Variants in FBXW11 observed in about 807,000 individuals in gnomAD.
FBXW11 encodes F-box and WD repeat domain containing 11.
Under a neutral mutation model 77.6 loss-of-function variants are expected in FBXW11, and 19 were observed. The ratio of observed to expected loss-of-function variants is 0.24; its 90% CI spans 0.17 to 0.36. The LOEUF is 0.36. FBXW11 is among the 10% of genes least tolerant of loss of function. The probability of loss-of-function intolerance (pLI) is 1.00; values close to 1 mark genes in which losing one functional copy is unlikely to be tolerated. For missense variants in FBXW11, 334 were observed against 704.2 expected (o/e 0.47, Z 5.95); for synonymous variants, 235 against 249.4 (o/e 0.94, Z 0.54).
intron 2 of FBXW11, among the ~76,000 whole-genome samples, chr5:171,936,871 T>G (rs190407308): frequency 1.3e-5 from 2 of 152,128 alleles, no homozygotes; most frequent in East Asian, 3.9e-4. Context: ...AAAGAAAAAT[T>G]AGAAAATAAG....
At chr5:171,959,877 G>GA (rs150298265) in intron 1 of FBXW11, among the ~76,000 whole-genome samples, 3 of 150,730 alleles carry the variant, frequency 2.0e-5, no homozygotes, top group Non-Finnish European at 3.0e-5. Flanking sequence ...GAAAAGAAAA[G>GA]AAAAAAAACC....
chr5:171,899,091 A>T lies in FBXW11; in HGVS notation c.627T>A (p.Asp209Glu), dbSNP rs367911549. Residue 209 changes from aspartate to glutamate, a missense_variant, in exon 6 of 14, where the codon GAT (aspartate) becomes GAA (glutamate). Physicochemically the swap from Asp to Glu is conservative, Grantham distance 45 (BLOSUM62 2). This residue lies in a region of FBXW11 where 19 missense variants were observed against 16.0 expected (regional missense o/e 1.19). Coordinates refer to ENST00000517395, the MANE Select transcript of FBXW11 (RefSeq NM_001378974.1). ...TGGGTCTGTTTTTAAACAGGTACTG[A>T]TCCCTGGCAAATAAAAACAAACAGA... The part of the protein sequence containing the change: ...WKGLSERRGW[D>E]QYLFKNRPTD... 65 of 1,592,930 alleles carry T rather than the reference A, an allele frequency of 4.1e-5. No individual in the cohort carries two copies. Among genetic ancestry groups the T allele is most frequent in the Non-Finnish European group, 5.2e-5 (61 of 1,172,696 alleles).
intron 2 of FBXW11, among the ~76,000 whole-genome samples, chr5:171,921,905 A>AT (rs1217417015): frequency 2.0e-5 from 3 of 152,036 alleles, no homozygotes; most frequent in Non-Finnish European, 2.9e-5. Flanking sequence ...CACCCAACTA[A>AT]TTTTTTAAAA....
At chr5:171,939,188 G>A (rs1274930956) in intron 2 of FBXW11, among the ~76,000 whole-genome samples, 1 of 152,152 alleles carries the variant, frequency 6.6e-6, no homozygotes, top group African/African-American at 2.4e-5. Flanking sequence ...AGTGAGCCAA[G>A]ACCATGCCAC....
chr5:171,986,390 G>A (rs1561750818), intron 1 of FBXW11, among the ~76,000 whole-genome samples: 1 of 151,966 alleles, frequency 6.6e-6, no homozygotes, highest in Non-Finnish European at 1.5e-5. Context: ...GTGACAGAGT[G>A]AGACTCTGTC....
chr5:171,905,596 C>T (rs1482583219), intron 4 of FBXW11, among the ~76,000 whole-genome samples: 1 of 102,148 alleles, frequency 9.8e-6, no homozygotes, highest in Non-Finnish European at 2.5e-5. Context: ...CTAACCCCCC[C>T]CCCTTTATTT....
intron 7 of FBXW11, among the ~76,000 whole-genome samples, chr5:171,889,604 C>T (rs1013470503): frequency 6.6e-6 from 1 of 151,508 alleles, no homozygotes; most frequent in Admixed American, 6.6e-5. Context: ...AATGAAAAGA[C>T]GGCCAGGCAT....
At chr5:171,925,457 G>A (rs146114104) in intron 2 of FBXW11, among the ~76,000 whole-genome samples, 99 of 152,154 alleles carry the variant, frequency 6.5e-4, no homozygotes, top group African/African-American at 2.3e-3. Context: ...TGGCTAAAAC[G>A]TCATATGGGT....
In FBXW11 at chr5:171,910,588, A is replaced by G. The variant is rs1292337451; in HGVS notation, c.420T>C (p.Phe140=). 6.2e-7 allele frequency: 1 copy of G among 1,612,536 alleles called. No individual in the cohort carries two copies. Among genetic ancestry groups the G allele is most frequent in the East Asian group, 2.2e-5 (1 of 44,854 alleles). ...TACAGTTACCTGGTAAAGCGGTAAT[A>G]AAGTCCCGCTGCAACATGGGCTTCA... is the stretch of plus-strand genomic sequence containing the variant. ...SYLKPMLQRD[F]ITALPEQGLD... The change falls in exon 4 of 14, where the codon TTT becomes TTC. Residue 140 remains phenylalanine, a synonymous_variant. Transcript: ENST00000517395.
intron 2 of FBXW11, among the ~76,000 whole-genome samples, chr5:171,951,812 T>C (rs1449312898): frequency 1.3e-5 from 2 of 152,146 alleles, no homozygotes; most frequent in Non-Finnish European, 1.5e-5. Flanking sequence ...AATTTTTTAA[T>C]GCTAGCATGA....
chr5:171,948,090 C>T (rs1441749478), intron 2 of FBXW11, among the ~76,000 whole-genome samples: 7 of 151,742 alleles, frequency 4.6e-5, no homozygotes. Context: ...AAAAAATTAG[C>T]TGGGCATGGT....
chr5:171,886,537 C>T (rs1042412753), intron 7 of FBXW11, among the ~76,000 whole-genome samples: 3 of 151,138 alleles, frequency 2.0e-5, no homozygotes, highest in African/African-American at 4.9e-5. Flanking sequence ...CAAACCTGCA[C>T]GTTGTGCACA....
intron 10 of FBXW11, among the ~76,000 whole-genome samples, chr5:171,871,317 T>C (rs894139853): frequency 6.6e-6 from 1 of 152,098 alleles, no homozygotes; most frequent in African/African-American, 2.4e-5. Context: ...AAAGGAGATA[T>C]CACGTACAGC....
At chr5:171,884,846 A>G (rs1758772200) in intron 7 of FBXW11, among the ~76,000 whole-genome samples, 1 of 152,164 alleles carries the variant, frequency 6.6e-6, no homozygotes, top group South Asian at 2.1e-4. Context: ...GCTATTGTAA[A>G]AGAGGTTGAG....
At chr5:171,942,815 T>C (rs181125558) in intron 2 of FBXW11, among the ~76,000 whole-genome samples, 1 of 152,140 alleles carries the variant, frequency 6.6e-6, no homozygotes, top group East Asian at 1.9e-4. Context: ...AATTAATTAA[T>C]TAATCAATTA....
chr5:171,981,667 T>C (rs1765154250), intron 1 of FBXW11, among the ~76,000 whole-genome samples: 1 of 152,216 alleles, frequency 6.6e-6, no homozygotes, highest in Non-Finnish European at 1.5e-5. Flanking sequence ...TTTGTTCCTT[T>C]ACATTTACTC....
At chr5:171,982,473 C>T (rs1464331404) in intron 1 of FBXW11, among the ~76,000 whole-genome samples, 3 of 152,280 alleles carry the variant, frequency 2.0e-5, no homozygotes, top group Admixed American at 2.0e-4. Flanking sequence ...GGGGTTACAT[C>T]TTGTTGGTCA....
intron 4 of FBXW11, 46 bp downstream of exon 4, chr5:171,910,526 G>T (rs750589172): frequency 7.1e-7 from 1 of 1,400,032 alleles, no homozygotes; most frequent in Non-Finnish European, 1.0e-6. Context: ...TCCTTGGGCC[G>T]GGCATTCTTC....
At chr5:171,970,256 C>T (rs1437542124) in intron 1 of FBXW11, among the ~76,000 whole-genome samples, 2 of 152,154 alleles carry the variant, frequency 1.3e-5, no homozygotes, top group African/African-American at 4.8e-5. Flanking sequence ...GCAGTCTCCC[C>T]CATTCTGTTC....
Sources: allele counts gnomAD v4.1 joint callset (sites outside exome capture counted in the v4.1 genomes callset), GRCh38; gene constraint gnomAD v4.1.1; regional missense constraint gnomAD v4.1.1; transcripts MANE v1.5; gene names NCBI Gene and HGNC (gene_info 2026-07-23, HGNC 2026-07-21).